The following PRR5L variants were observed in gnomAD, a reference collection of about 807,000 sequenced individuals.
PRR5L encodes proline rich 5 like.
A neutral mutation model predicts 36.4 loss-of-function variants in PRR5L; 21 were observed. That is an observed-to-expected ratio of 0.58 (90% CI 0.41 to 0.83). PRR5L has a LOEUF of 0.83. Ranked by LOEUF, PRR5L falls within the 40% of genes least tolerant of loss-of-function variation. The probability of loss-of-function intolerance (pLI) is 0.00; values close to 1 mark genes in which losing one functional copy is unlikely to be tolerated. For synonymous variants in PRR5L, 188 were observed against 197.0 expected (o/e 0.95, Z 0.38); for missense variants, 381 against 473.3 (o/e 0.80, Z 1.81).
At chr11:36,388,732 T>C (rs1373196629) in intron 1 of PRR5L, among the ~76,000 whole-genome samples, 1 of 133,700 alleles carries the variant, frequency 7.5e-6, no homozygotes, top group Non-Finnish European at 1.6e-5. Flanking sequence ...GGAGTCTCGC[T>C]CTGTCGCCCA....
At chr11:36,437,559 A>G in intron 6 of PRR5L, 83 bp downstream of exon 6, 1 of 789,696 alleles carries the variant, frequency 1.3e-6, no homozygotes, top group East Asian at 2.5e-5. Context: ...GGCTCCTGGT[A>G]AATGGGAGAA....
At chr11:36,357,221 G>A (rs1046856073) in intron 1 of PRR5L, among the ~76,000 whole-genome samples, 2 of 152,194 alleles carry the variant, frequency 1.3e-5, no homozygotes, top group African/African-American at 4.8e-5. Flanking sequence ...AGCAAGGTGA[G>A]GAAGCTGCAG....
intron 1 of PRR5L, among the ~76,000 whole-genome samples, chr11:36,323,093 C>T (rs918683797): frequency 8.5e-5 from 13 of 152,060 alleles, no homozygotes; most frequent in Admixed American, 6.5e-5. Context: ...TTTTAAGCCA[C>T]CCAGTCTGTG....
intron 6 of PRR5L, 81 bp downstream of exon 6, chr11:36,437,557 G>A (rs1268509827): frequency 2.5e-6 from 2 of 800,996 alleles, no homozygotes; most frequent in Non-Finnish European, 4.1e-6. Context: ...AGGGCTCCTG[G>A]TAAATGGGAG....
chr11:36,312,533 A>G (rs1856514015), intron 1 of PRR5L, among the ~76,000 whole-genome samples: 1 of 152,186 alleles, frequency 6.6e-6, no homozygotes, highest in African/African-American at 2.4e-5. Flanking sequence ...CCAGCTGTTC[A>G]TTGCCACTCA....
intron 1 of PRR5L, among the ~76,000 whole-genome samples, chr11:36,351,220 A>T (rs1163262556): frequency 1.2e-5 from 1 of 83,710 alleles, no homozygotes; most frequent in African/African-American, 5.2e-5. Flanking sequence ...ATATATAAAT[A>T]TATATATTTA....
At position 36,414,969 on chromosome 11, in the gene PRR5L, A is replaced by C. The variant is rs1858109952; in HGVS notation, c.246-4286A>C. Among the ~76,000 whole-genome samples the C allele has an allele frequency of 2.1e-5, 3 of 143,226 alleles. No individual in the cohort carries two copies. In the South Asian group the frequency reaches 7.3e-4, roughly 35 times the overall value. 94.0% of individuals were successfully genotyped at this position (143,226 alleles called of 152,430 possible). ...CCCAGAACCATTTATTAAATAGGGA[A>C]TCCTTTCCCCATTGCTTGTTTTTCT... On this transcript the variant is annotated intron_variant, in intron 3 of 8. Coordinates refer to ENST00000530639, the MANE Select transcript of PRR5L (RefSeq NM_001160167.2).
intron 1 of PRR5L, among the ~76,000 whole-genome samples, chr11:36,394,165 C>G (rs559314284): frequency 1.8e-4 from 28 of 152,334 alleles, no homozygotes; most frequent in African/African-American, 6.7e-4. Flanking sequence ...AAGGAGTATT[C>G]TAAGCCCTAC....
At chr11:36,354,716 T>G (rs1378959725) in intron 1 of PRR5L, among the ~76,000 whole-genome samples, 1 of 152,214 alleles carries the variant, frequency 6.6e-6, no homozygotes, top group Non-Finnish European at 1.5e-5. Context: ...TACTTAGAAA[T>G]GAGTTTGGCA....
intron 1 of PRR5L, among the ~76,000 whole-genome samples, chr11:36,324,078 T>A (rs1019762701): frequency 6.6e-6 from 1 of 152,188 alleles, no homozygotes; most frequent in Non-Finnish European, 1.5e-5. Flanking sequence ...GTGTATATGT[T>A]CACAAAAGAC....
chr11:36,416,320 T>G (rs999894584), intron 3 of PRR5L, among the ~76,000 whole-genome samples: 2 of 152,220 alleles, frequency 1.3e-5, no homozygotes, highest in African/African-American at 4.8e-5. Context: ...ACTTAAATTA[T>G]TAAGAAAGGT....
At chr11:36,319,367 A>G (rs1218796728) in intron 1 of PRR5L, among the ~76,000 whole-genome samples, 1 of 152,228 alleles carries the variant, frequency 6.6e-6, no homozygotes, top group Non-Finnish European at 1.5e-5. Flanking sequence ...CAAGAGATGG[A>G]CGGATTGGGT....
At chr11:36,387,477 G>C (rs1313565903) in intron 1 of PRR5L, among the ~76,000 whole-genome samples, 1 of 152,210 alleles carries the variant, frequency 6.6e-6, no homozygotes, top group East Asian at 1.9e-4. Context: ...TAAGAGGCTG[G>C]TGAATTAGAT....
chr11:36,356,629 T>G (rs1283600535), intron 1 of PRR5L, among the ~76,000 whole-genome samples: 1 of 152,192 alleles, frequency 6.6e-6, no homozygotes, highest in Non-Finnish European at 1.5e-5. Flanking sequence ...TATTGCCAAC[T>G]TTTTCATTAT....
chr11:36,436,462 C>T (rs541200680), intron 5 of PRR5L, among the ~76,000 whole-genome samples: 4 of 152,316 alleles, frequency 2.6e-5, no homozygotes, highest in Admixed American at 2.6e-4. Context: ...AGCAGGGACA[C>T]TTGGCCATAG....
rs73447254 is a variant in PRR5L, at chr11:36,429,896, T to A, written c.295-1957T>A. ...TCACAAGATGTCGATTTGGTGCTGA[T>A]GTATTTTCTTGCTTTCTGACCCAGA... On this transcript the variant is annotated intron_variant, in intron 4 of 8. Coordinates refer to ENST00000530639, the MANE Select transcript of PRR5L (RefSeq NM_001160167.2). 2.0e-3 allele frequency among the ~76,000 whole-genome samples: 305 copies of A among 152,346 alleles called. 2 individuals are homozygous for A. Among genetic ancestry groups the A allele is most frequent in the African/African-American group, 6.6e-3 (276 of 41,574 alleles).
intron 1 of PRR5L, among the ~76,000 whole-genome samples, chr11:36,393,152 G>A (rs954370177): frequency 7.9e-5 from 12 of 152,100 alleles, no homozygotes; most frequent in African/African-American, 2.9e-4. Flanking sequence ...TTGTTGATTG[G>A]TATCTTTTGC....
chr11:36,380,546 G>A (rs564673510), intron 1 of PRR5L: 6 of 151,738 alleles, frequency 4.0e-5, no homozygotes, highest in Non-Finnish European at 2.9e-5. Context: ...ATTAATCCTC[G>A]GATTTCATGT....
In PRR5L at chr11:36,437,408, G is replaced by A. The variant is rs777459676; in HGVS notation, c.376G>A (p.Ala126Thr). ...AGGTGAAAATCGCATTGAGGTTCTGGCTGAAGTCTGGGACCACTTCTTCAC... is the reference window on the plus strand; with the variant it reads ...AGGTGAAAATCGCATTGAGGTTCTGACTGAAGTCTGGGACCACTTCTTCAC... ...CEGENRIEVL[A>T]EVWDHFFTET... The change falls in exon 6 of 9, where the codon GCT becomes ACT. Residue 126 changes from alanine (A) to threonine (T), a missense_variant. Ala to Thr is a moderately conservative substitution (Grantham distance 58, BLOSUM62 0). Transcript: ENST00000530639. The A allele has an allele frequency of 1.9e-6, 3 of 1,612,582 alleles. No individual in the cohort carries two copies. The highest frequency in any genetic ancestry group is 1.7e-5 in the Admixed American group (1 of 60,012).
Sources: gnomAD v4.1 joint callset for allele counts (sites outside exome capture counted in the v4.1 genomes callset) on GRCh38, gnomAD v4.1.1 for gene constraint, MANE v1.5 for transcripts, NCBI Gene and HGNC (gene_info 2026-07-23, HGNC 2026-07-21) for gene names.